GNA13: variants seen among roughly 807,000 people sequenced by gnomAD.
GNA13 encodes the protein G protein subunit alpha 13.
A neutral mutation model predicts 33.5 loss-of-function variants in GNA13; 4 were observed. That is an observed-to-expected ratio of 0.12 (90% confidence interval 0.06 to 0.27). The LOEUF is 0.27. GNA13 is among the 10% of genes least tolerant of loss of function. GNA13 has a pLI of 1.00. For missense variants in GNA13, 319 were observed against 487.2 expected, an observed-to-expected ratio of 0.65 and a Z score of 3.25; for synonymous variants, 176 against 183.8, an observed-to-expected ratio of 0.96 and a Z score of 0.34.
At position 65,026,864 on chromosome 17, in the gene GNA13, C is replaced by T. The variant is rs1241018354; in HGVS notation, c.511-8561G>A. ...CAGGATCCTGGCTCACCACAACCTC[C>T]GCCTCCCAGGTTCAAGCGATTCTTC... On this transcript the variant is annotated intron_variant, in intron 2 of 3. Coordinates refer to ENST00000439174, the MANE Select transcript of GNA13 (RefSeq NM_006572.6). Among the ~76,000 whole-genome samples, 8 of 152,168 alleles carry T rather than the reference C, an allele frequency of 5.3e-5. No individual in the cohort carries two copies. The East Asian group carries it at 9.6e-4, about 18-fold the overall frequency.
chr17:65,027,404 T>C (rs1419980648), intron 2 of GNA13, among the ~76,000 whole-genome samples: 2 of 148,256 alleles, frequency 1.3e-5, no homozygotes, highest in Non-Finnish European at 1.5e-5. Context: ...TGCCTCAGCC[T>C]TCCAAGTAGC....
Position 65,020,178 on chromosome 17 carries a change from T to C in GNA13, c.511-1875A>G, listed in dbSNP as rs113637189. Among the ~76,000 whole-genome samples, 622 of 152,360 alleles carry C rather than the reference T, an allele frequency of 4.1e-3. 5 individuals carry two copies. The highest frequency in any genetic ancestry group is 6.9e-3 in the Non-Finnish European group (468 of 68,030). On this transcript the variant is annotated intron_variant, in intron 2 of 3. Transcript: ENST00000439174. ...GTCTGGCAGATAAAATATGAATTACTGGGAGGAAGTTACCCTTCAATATTT... is the reference window on the plus strand; with the variant it reads ...GTCTGGCAGATAAAATATGAATTACCGGGAGGAAGTTACCCTTCAATATTT...
At chr17:65,024,495 C>T (rs1214721775) in intron 2 of GNA13, among the ~76,000 whole-genome samples, 1 of 152,186 alleles carries the variant, frequency 6.6e-6, no homozygotes, top group African/African-American at 2.4e-5. Flanking sequence ...ATCAATAAAA[C>T]TTTTTATATA....
intron 2 of GNA13, among the ~76,000 whole-genome samples, chr17:65,044,403 G>A (rs1205805962): frequency 6.6e-6 from 1 of 152,174 alleles, no homozygotes; most frequent in Non-Finnish European, 1.5e-5. Flanking sequence ...ATAGTATATA[G>A]CTAGGGAAAA....
intron 1 of GNA13, 128 bp from the exon 2 acceptor site, chr17:65,053,856 C>T: frequency 1.6e-6 from 1 of 624,796 alleles, no homozygotes; most frequent in Non-Finnish European, 2.8e-6. Flanking sequence ...AAAATGAAGA[C>T]CAACATCGAA....
chr17:65,035,088 T>C (rs769698756), intron 2 of GNA13, among the ~76,000 whole-genome samples: 26 of 152,128 alleles, frequency 1.7e-4, no homozygotes, highest in Non-Finnish European at 4.4e-5. Flanking sequence ...CTTAACAAAA[T>C]TAAGTACAAA....
intron 2 of GNA13, among the ~76,000 whole-genome samples, chr17:65,044,807 C>T (rs1033898303): frequency 2.6e-5 from 4 of 152,036 alleles, no homozygotes; most frequent in African/African-American, 4.8e-5. Flanking sequence ...TTTTGGGAGG[C>T]TAAGGCGGAC....
chr17:65,052,528 A>T (rs1907894126), intron 2 of GNA13, among the ~76,000 whole-genome samples: 1 of 152,182 alleles, frequency 6.6e-6, no homozygotes, highest in East Asian at 1.9e-4. Context: ...ACTACCTCCA[A>T]ATTGCACACA....
At position 65,013,574 on chromosome 17, in the gene GNA13, T is replaced by C. The variant is rs1413713394; in HGVS notation, c.*683A>G. 9.1e-6 allele frequency: 2 copies of C among 219,872 alleles called. No individual in the cohort carries two copies. The highest frequency in any genetic ancestry group is 6.7e-5 in the East Asian group (1 of 14,904). The allele number at this position is 219,872 out of a possible 1,614,324, so 13.6% of individuals were successfully genotyped here. ...CCAAAACACGGTAAACAGCATTAGCTTGCCTTTTGCTCTCCCATACCACCT... is the reference window on the plus strand; with the variant it reads ...CCAAAACACGGTAAACAGCATTAGCCTGCCTTTTGCTCTCCCATACCACCT... On this transcript the variant is annotated 3_prime_UTR_variant, in exon 4 of 4. Transcript: ENST00000439174.
At chr17:65,050,193 C>T (rs990248725) in intron 2 of GNA13, among the ~76,000 whole-genome samples, 1 of 152,030 alleles carries the variant, frequency 6.6e-6, no homozygotes, top group African/African-American at 2.4e-5. Context: ...GGTAGCAGAA[C>T]ACAAAATAGA....
At chr17:65,049,558 C>A (rs1303676925) in intron 2 of GNA13, among the ~76,000 whole-genome samples, 6 of 152,170 alleles carry the variant, frequency 3.9e-5, no homozygotes, top group Non-Finnish European at 8.8e-5. Flanking sequence ...GTGACTCTAA[C>A]ACACATAATG....
chr17:65,016,367 T>C (rs1235849561), intron 3 of GNA13, among the ~76,000 whole-genome samples: 1 of 152,134 alleles, frequency 6.6e-6, no homozygotes, highest in African/African-American at 2.4e-5. Context: ...TATATATATA[T>C]ACATATTTTT....
intron 1 of GNA13, 60 bp downstream of exon 1, chr17:65,056,251 A>AAACCC: frequency 1.4e-6 from 1 of 740,730 alleles, no homozygotes. Context: ...CCCGCCCCGC[A>AAACCC]CCCGCCGCCG....
chr17:65,027,313 C>CT (rs1906828686), intron 2 of GNA13, among the ~76,000 whole-genome samples: 1 of 49,232 alleles, frequency 2.0e-5, no homozygotes, highest in Admixed American at 3.8e-4. Flanking sequence ...CCCTCCCCCG[C>CT]CTTTTTTTTT....
intron 2 of GNA13, among the ~76,000 whole-genome samples, chr17:65,027,954 T>C (rs7212507): frequency 0.039 from 5,972 of 151,712 alleles, 354 homozygotes; most frequent in African/African-American, 0.13. Flanking sequence ...AGTACAAACA[T>C]TAGGCTGGGC....
At chr17:65,025,560 A>G (rs1288956280) in intron 2 of GNA13, among the ~76,000 whole-genome samples, 1 of 152,238 alleles carries the variant, frequency 6.6e-6, no homozygotes, top group Non-Finnish European at 1.5e-5. Context: ...AGTGCTACTT[A>G]TATTTTAGCA....
intron 2 of GNA13, among the ~76,000 whole-genome samples, chr17:65,023,878 G>T (rs1166743165): frequency 6.6e-6 from 1 of 152,206 alleles, no homozygotes; most frequent in Non-Finnish European, 1.5e-5. Flanking sequence ...GCAATGTAAT[G>T]ACATGCTAAG....
chr17:65,034,980 T>A (rs2143802969), intron 2 of GNA13, among the ~76,000 whole-genome samples: 1 of 152,262 alleles, frequency 6.6e-6, no homozygotes, highest in Admixed American at 6.5e-5. Flanking sequence ...AGATGGAGTT[T>A]CTCCATGTTT....
At position 65,018,138 on chromosome 17, in the gene GNA13, A is replaced by AAAAAAAAAAGAGAG. The variant is rs1555600538; in HGVS notation, c.561+114_561+115insCTCTCTTTTTTTTT. The AAAAAAAAAAGAGAG allele has an allele frequency of 2.1e-4, 15 of 69,770 alleles. 5 individuals are homozygous for AAAAAAAAAAGAGAG. Among genetic ancestry groups the AAAAAAAAAAGAGAG allele is most frequent in the East Asian group, 1.7e-3 (2 of 1,196 alleles). The allele number at this position is 69,770 out of a possible 1,614,324, so 4.3% of individuals were successfully genotyped here. A position where few individuals can be genotyped will look rare whatever the true frequency, so the allele number is the denominator to read the frequency against. On this transcript the variant is annotated intron_variant, in intron 3 of 3. Transcript: ENST00000439174. ...AAAAAAAAAAAAAAAAAAAAAAAAA[A>AAAAAAAAAAGAGAG]AGAGAGAAAGAAGCAAATAGCTTAA...
Sources: allele counts gnomAD v4.1 joint callset (sites outside exome capture counted in the v4.1 genomes callset), GRCh38; gene constraint gnomAD v4.1.1; transcripts MANE v1.5; gene names NCBI Gene and HGNC (gene_info 2026-07-23, HGNC 2026-07-21).